TTC33: variants seen among roughly 807,000 people sequenced by gnomAD.
TTC33 encodes the protein tetratricopeptide repeat protein 33.
Under a neutral mutation model 29.4 loss-of-function variants are expected in TTC33, and 24 were observed. That is an observed-to-expected ratio of 0.82 (90% CI 0.59 to 1.15). The LOEUF (loss-of-function observed/expected upper bound fraction) is 1.15, where lower values mean the gene tolerates loss of function less well. Ranked by LOEUF, TTC33 falls within the 50% of genes most tolerant of loss-of-function variation. The probability of loss-of-function intolerance (pLI) is 0.00; values close to 1 mark genes in which losing one functional copy is unlikely to be tolerated. For synonymous variants in TTC33, 107 were observed against 100.3 expected (o/e 1.07, Z -0.40); for missense variants, 286 against 310.4 (o/e 0.92, Z 0.59).
intron 3 of TTC33, among the ~76,000 whole-genome samples, chr5:40,729,588 C>G (rs987859167): frequency 6.6e-6 from 1 of 152,168 alleles, no homozygotes; most frequent in Non-Finnish European, 1.5e-5. Context: ...CCAATCCATC[C>G]TCATTTTTAA....
chr5:40,748,590 C>T (rs1319809157), intron 1 of TTC33, among the ~76,000 whole-genome samples: 1 of 152,082 alleles, frequency 6.6e-6, no homozygotes, highest in Non-Finnish European at 1.5e-5. Context: ...TGAAATATTT[C>T]ATATAAAATT....
chr5:40,746,294 A>G (rs1224778974), intron 2 of TTC33, among the ~76,000 whole-genome samples: 1 of 152,248 alleles, frequency 6.6e-6, no homozygotes, highest in Non-Finnish European at 1.5e-5. Context: ...AGGGCTAAAA[A>G]TAAATGAAGC....
Position 40,712,076 on chromosome 5 carries a change from T to G in TTC33, c.*4069A>C, listed in dbSNP as rs2111849514. On this transcript the variant is annotated 3_prime_UTR_variant, in exon 5 of 5. Coordinates refer to ENST00000337702, the MANE Select transcript of TTC33 (RefSeq NM_012382.3). ...GCATTTTATTATTTCTAAGTTATAC[T>G]CATTTAAGAAAGTTAATAGAGGTGA... is the stretch of plus-strand genomic sequence containing the variant. Among the ~76,000 whole-genome samples, 1 of 152,262 alleles carries G rather than the reference T, an allele frequency of 6.6e-6. No individual in the cohort carries two copies. Among genetic ancestry groups the G allele is most frequent in the African/African-American group, 2.4e-5 (1 of 41,568 alleles).
intron 2 of TTC33, 27 bp from the exon 3 acceptor site, chr5:40,730,370 C>A (rs1350463443): frequency 2.0e-5 from 31 of 1,572,100 alleles, no homozygotes; most frequent in Non-Finnish European, 2.3e-5. Context: ...TATATCAATG[C>A]CATATTTTCA....
chr5:40,715,035 A>C lies in TTC33; in HGVS notation c.*1110T>G, dbSNP rs1741971249. On this transcript the variant is annotated 3_prime_UTR_variant, in exon 5 of 5. Coordinates refer to ENST00000337702, the MANE Select transcript of TTC33 (RefSeq NM_012382.3). ...GACTTTCAATAAAATTTTTTTTAAT[A>C]TAGCCTTTTCATACTCATGAGATTG... 6.6e-6 allele frequency: 1 copy of C among 152,098 alleles called. No homozygotes were observed. Among genetic ancestry groups the C allele is most frequent in the Admixed American group, 6.6e-5 (1 of 15,266 alleles). The allele number at this position is 152,098 out of a possible 1,614,324, so 9.4% of individuals were successfully genotyped here.
chr5:40,748,986 C>A (rs1395633051), intron 1 of TTC33, among the ~76,000 whole-genome samples: 1 of 152,056 alleles, frequency 6.6e-6, no homozygotes, highest in African/African-American at 2.4e-5. Context: ...ATTAGCCAGG[C>A]GTGGTGGTAC....
At chr5:40,736,997 A>G (rs1742566790) in intron 2 of TTC33, among the ~76,000 whole-genome samples, 1 of 152,158 alleles carries the variant, frequency 6.6e-6, no homozygotes, top group Non-Finnish European at 1.5e-5. Context: ...AGACTTCTGA[A>G]TTTAAAAGCC....
intron 2 of TTC33, among the ~76,000 whole-genome samples, chr5:40,731,199 C>CT (rs1255785530): frequency 6.6e-6 from 1 of 152,182 alleles, no homozygotes; most frequent in Non-Finnish European, 1.5e-5. Context: ...TTCTGCAAGA[C>CT]TTAATAGTAG....
At chr5:40,718,583 T>TA in intron 4 of TTC33, among the ~76,000 whole-genome samples, 1 of 151,464 alleles carries the variant, frequency 6.6e-6, no homozygotes, top group South Asian at 2.1e-4. Context: ...CTACTAAAAA[T>TA]ACAAAAATTA....
intron 4 of TTC33, among the ~76,000 whole-genome samples, chr5:40,725,493 CA>C (rs1433262406): frequency 1.1e-4 from 17 of 152,054 alleles, no homozygotes; most frequent in Admixed American, 2.6e-4. Context: ...CATTAGTAAA[CA>C]AAATTAGTAT....
intron 4 of TTC33, among the ~76,000 whole-genome samples, chr5:40,717,229 C>CAAAAA (rs35359209): frequency 2.8e-5 from 3 of 108,892 alleles, no homozygotes; most frequent in African/African-American, 7.0e-5. Flanking sequence ...AACTCCATCT[C>CAAAAA]AAAAAAAAAA....
intron 3 of TTC33, among the ~76,000 whole-genome samples, chr5:40,728,721 C>T (rs1001539862): frequency 1.9e-4 from 29 of 152,080 alleles, no homozygotes; most frequent in Non-Finnish European, 1.2e-4. Context: ...CTGGTCAAAA[C>T]CAAGTGGTCA....
chr5:40,755,528 G>A (rs1742969133), intron 1 of TTC33, among the ~76,000 whole-genome samples: 1 of 152,180 alleles, frequency 6.6e-6, no homozygotes, highest in Non-Finnish European at 1.5e-5. Context: ...CCACCGCTCA[G>A]GGAAGGTTGC....
intron 4 of TTC33, among the ~76,000 whole-genome samples, chr5:40,721,316 G>C (rs762733602): frequency 6.6e-6 from 1 of 152,080 alleles, no homozygotes; most frequent in Non-Finnish European, 1.5e-5. Flanking sequence ...TTAGAAGTAA[G>C]AACAAAACTA....
rs944369110 is a variant in TTC33 at position 40,713,906 on chromosome 5, C to T, written c.*2239G>A. Among the ~76,000 whole-genome samples, 3 of 152,160 alleles carry T rather than the reference C, an allele frequency of 2.0e-5. No homozygotes were observed. Among genetic ancestry groups the T allele is most frequent in the East Asian group, 1.9e-4 (1 of 5,198 alleles). Reference sequence around the variant, plus strand: ...AATAATGGGTGCATTTTTCTCTTCACGCATAGAAGAGTATGAGCTAAAATA... The same window carrying T: ...AATAATGGGTGCATTTTTCTCTTCATGCATAGAAGAGTATGAGCTAAAATA... On this transcript the variant is annotated 3_prime_UTR_variant, in exon 5 of 5. Transcript: ENST00000337702.
chr5:40,714,252 C>A lies in TTC33; in HGVS notation c.*1893G>T, dbSNP rs185654260. ...TAAGGAAAGGATTACAAAAAAAGTT[C>A]TCCTTTTTTAAAATCAGAGGAAATT... On this transcript the variant is annotated 3_prime_UTR_variant, in exon 5 of 5. Transcript: ENST00000337702. 1.2e-4 allele frequency among the ~76,000 whole-genome samples: 19 copies of A among 152,274 alleles called. No individual in the cohort carries two copies. In the East Asian group the frequency reaches 3.7e-3, roughly 29 times the overall value.
intron 2 of TTC33, among the ~76,000 whole-genome samples, chr5:40,733,712 G>A (rs564288325): frequency 2.0e-5 from 3 of 152,248 alleles, no homozygotes; most frequent in African/African-American, 7.2e-5. Flanking sequence ...CTGTCTTGCT[G>A]AAAATACCAC....
chr5:40,748,789 A>G (rs1436052220), intron 1 of TTC33, among the ~76,000 whole-genome samples: 1 of 152,210 alleles, frequency 6.6e-6, no homozygotes, highest in African/African-American at 2.4e-5. Flanking sequence ...GTTTTAAAAG[A>G]TTCAAACTTG....
chr5:40,752,917 AGAAG>A (rs1320901340), intron 1 of TTC33, among the ~76,000 whole-genome samples: 2 of 152,184 alleles, frequency 1.3e-5, no homozygotes, highest in African/African-American at 4.8e-5. Flanking sequence ...TGTAATCACT[AGAAG>A]GAAGGTGAGA....
Sources: gnomAD v4.1 joint callset for allele counts (sites outside exome capture counted in the v4.1 genomes callset) on GRCh38, gnomAD v4.1.1 for gene constraint, MANE v1.5 for transcripts, NCBI Gene and HGNC (gene_info 2026-07-23, HGNC 2026-07-21) for gene names.